The following TMEM108 variants were observed in gnomAD, a reference collection of about 807,000 sequenced individuals.
TMEM108 encodes transmembrane protein 108, also known as cancer/testis antigen 124.
Under a neutral mutation model 35.1 loss-of-function variants are expected in TMEM108, and 12 were observed. The ratio of observed to expected loss-of-function variants is 0.34; its 90% confidence interval spans 0.22 to 0.55. The LOEUF is 0.55. Among genes scored for constraint, TMEM108 ranks in the 20% least tolerant of loss-of-function variants. The pLI is 0.89. For missense variants in TMEM108, 680 were observed against 753.3 expected (o/e 0.90, Z 1.14); for synonymous variants, 287 against 308.6 (o/e 0.93, Z 0.73).
At chr3:133,301,033 C>T (rs1947218288) in intron 3 of TMEM108, among the ~76,000 whole-genome samples, 1 of 117,490 alleles carries the variant, frequency 8.5e-6, no homozygotes, top group Non-Finnish European at 1.8e-5. Flanking sequence ...CACACACACA[C>T]ACAAGTTCTA....
intron 2 of TMEM108, among the ~76,000 whole-genome samples, chr3:133,174,006 A>C (rs139053171): frequency 1.1e-4 from 16 of 152,350 alleles, no homozygotes; most frequent in Middle Eastern, 3.4e-3. Context: ...CAATGGTCTT[A>C]GCAAACGGCA....
At chr3:133,190,239 T>G (rs1021036363) in intron 2 of TMEM108, among the ~76,000 whole-genome samples, 1 of 152,256 alleles carries the variant, frequency 6.6e-6, no homozygotes, top group African/African-American at 2.4e-5. Context: ...TTAGAGCATC[T>G]GAGCCAGAGG....
At chr3:133,294,152 C>G (rs1360332307) in intron 3 of TMEM108, among the ~76,000 whole-genome samples, 1 of 152,040 alleles carries the variant, frequency 6.6e-6, no homozygotes, top group Non-Finnish European at 1.5e-5. Context: ...TATTTTTCAT[C>G]CTTATAAAAA....
In TMEM108 at chr3:133,110,910, G is replaced by A. The variant is rs191863330; in HGVS notation, c.-47+64890G>A. Among the ~76,000 whole-genome samples the A allele has an allele frequency of 3.3e-5, 5 of 152,266 alleles. No homozygotes were observed. The South Asian group carries it at 6.2e-4, about 19-fold the overall frequency. ...TTCCCAGGTGATGCTAATGCTGCTG[G>A]TCCAGGGACCACTTTTGACAGCCAT... is the stretch of plus-strand genomic sequence containing the variant. On this transcript the variant is annotated intron_variant, in intron 2 of 5. Coordinates refer to ENST00000321871, the MANE Select transcript of TMEM108 (RefSeq NM_023943.4).
At chr3:133,334,100 C>T (rs190255816) in intron 3 of TMEM108, among the ~76,000 whole-genome samples, 20 of 152,108 alleles carry the variant, frequency 1.3e-4, no homozygotes, top group East Asian at 1.2e-3. Context: ...TCAGTTAATA[C>T]GATAGCTCCT....
At chr3:133,366,868 G>A (rs2072513624) in intron 3 of TMEM108, among the ~76,000 whole-genome samples, 1 of 152,186 alleles carries the variant, frequency 6.6e-6, no homozygotes, top group Admixed American at 6.5e-5. Context: ...ATGGTACCAT[G>A]TTCAACAGGC....
At chr3:133,272,774 C>A (rs1214088896) in intron 3 of TMEM108, among the ~76,000 whole-genome samples, 1 of 152,134 alleles carries the variant, frequency 6.6e-6, no homozygotes, top group Admixed American at 6.5e-5. Context: ...GGAAAGTGAA[C>A]CTGATCTTCT....
In TMEM108 at chr3:133,378,465, C is replaced by G. The variant is rs1477968052; in HGVS notation, c.41-1287C>G. The G allele has an allele frequency of 4.1e-6, 4 of 985,384 alleles. No individual in the cohort carries two copies. The Admixed American group carries it at 1.8e-4, about 45-fold the overall frequency. 61.0% of individuals were successfully genotyped at this position (985,384 alleles called of 1,614,324 possible). A position where few individuals can be genotyped will look rare whatever the true frequency, so the allele number is the denominator to read the frequency against. The stretch of plus-strand genomic sequence containing the variant: ...AGAGTAATTAGACGCAGACAGAGAT[C>G]TCTCTCCATAGTCAGAGGAGCCTAG... On this transcript the variant is annotated intron_variant, in intron 3 of 5. Coordinates refer to ENST00000321871, the MANE Select transcript of TMEM108 (RefSeq NM_023943.4).
intron 2 of TMEM108, among the ~76,000 whole-genome samples, chr3:133,168,707 G>C (rs1945081421): frequency 2.0e-5 from 3 of 152,178 alleles, no homozygotes; most frequent in Non-Finnish European, 2.9e-5. Flanking sequence ...GCCAGCAGCG[G>C]CAACCCACTC....
chr3:133,070,802 AC>A (rs1401938578), intron 2 of TMEM108, among the ~76,000 whole-genome samples: 2 of 149,792 alleles, frequency 1.3e-5, no homozygotes, highest in African/African-American at 2.4e-5. Context: ...AGTGTGTTTA[AC>A]AGTCTCTTGT....
chr3:133,279,865 C>T (rs1047945227), intron 3 of TMEM108, among the ~76,000 whole-genome samples: 2 of 152,160 alleles, frequency 1.3e-5, no homozygotes, highest in African/African-American at 4.8e-5. Context: ...AACAGAATGA[C>T]TCCAGGATAC....
At chr3:133,302,271 G>T (rs6792361) in intron 3 of TMEM108, among the ~76,000 whole-genome samples, 1 of 152,130 alleles carries the variant, frequency 6.6e-6, no homozygotes, top group Non-Finnish European at 1.5e-5. Context: ...GCATGCGTGC[G>T]CGTGCACGGG....
chr3:133,192,317 T>G (rs944240477), intron 2 of TMEM108, among the ~76,000 whole-genome samples: 1 of 152,182 alleles, frequency 6.6e-6, no homozygotes, highest in African/African-American at 2.4e-5. Context: ...AGTAGGAGAT[T>G]TGAGCAGTAC....
chr3:133,093,743 A>T (rs1003271401), intron 2 of TMEM108, among the ~76,000 whole-genome samples: 1 of 152,326 alleles, frequency 6.6e-6, no homozygotes, highest in Admixed American at 6.5e-5. Flanking sequence ...CCAACATTTA[A>T]TGTTGCTTTA....
At chr3:133,297,196 G>A (rs1413474704) in intron 3 of TMEM108, among the ~76,000 whole-genome samples, 1 of 152,216 alleles carries the variant, frequency 6.6e-6, no homozygotes, top group Non-Finnish European at 1.5e-5. Flanking sequence ...CAGGACAGAT[G>A]TGTGCGTGGC....
intron 3 of TMEM108, among the ~76,000 whole-genome samples, chr3:133,301,628 G>A (rs1417791228): frequency 2.0e-5 from 3 of 152,068 alleles, no homozygotes; most frequent in Non-Finnish European, 4.4e-5. Flanking sequence ...GCATATTTAG[G>A]AGATAAAAGT....
chr3:133,286,147 T>C (rs1576433022), intron 3 of TMEM108, among the ~76,000 whole-genome samples: 1 of 152,180 alleles, frequency 6.6e-6, no homozygotes, highest in East Asian at 1.9e-4. Context: ...AGACAAACAT[T>C]ACCTCCAGAG....
chr3:133,133,670 C>CA (rs1944522617), intron 2 of TMEM108, among the ~76,000 whole-genome samples: 1 of 144,876 alleles, frequency 6.9e-6, no homozygotes, highest in Non-Finnish European at 1.5e-5. Context: ...GCAGAGTTTT[C>CA]TTTTTTTTTC....
intron 3 of TMEM108, among the ~76,000 whole-genome samples, chr3:133,333,456 C>G (rs944498025): frequency 4.0e-5 from 6 of 151,862 alleles, no homozygotes; most frequent in Non-Finnish European, 8.8e-5. Context: ...GATAAGGACA[C>G]AGAGGCCCAA....
Sources: gnomAD v4.1 joint callset for allele counts (sites outside exome capture counted in the v4.1 genomes callset) on GRCh38, gnomAD v4.1.1 for gene constraint, MANE v1.5 for transcripts, NCBI Gene and HGNC (gene_info 2026-07-23, HGNC 2026-07-21) for gene names.